The following ATXN7L1 variants were observed in gnomAD, a reference collection of about 807,000 sequenced individuals.
ATXN7L1 encodes ataxin 7 like 1, also known as ataxin-7-like protein 1.
ATXN7L1 carries 15 observed loss-of-function variants against 70.8 expected under a neutral mutation model. That is an observed-to-expected ratio of 0.21 (90% CI 0.14 to 0.33). The LOEUF (loss-of-function observed/expected upper bound fraction) is 0.33, where lower values mean the gene tolerates loss of function less well. Ranked by LOEUF, ATXN7L1 falls within the 10% of genes least tolerant of loss-of-function variation. ATXN7L1 has a pLI of 1.00. For missense variants in ATXN7L1, 975 were observed against 1,097.1 expected (o/e 0.89, Z 1.57); for synonymous variants, 440 against 445.1 (o/e 0.99, Z 0.14).
At chr7:105,668,893 G>A (rs1419943991) in intron 3 of ATXN7L1, among the ~76,000 whole-genome samples, 2 of 152,022 alleles carry the variant, frequency 1.3e-5, no homozygotes, top group Non-Finnish European at 1.5e-5. Context: ...AACAGAGCAA[G>A]ACTCTCTCTG....
At chr7:105,668,117 C>T (rs990468950) in intron 3 of ATXN7L1, among the ~76,000 whole-genome samples, 11 of 152,150 alleles carry the variant, frequency 7.2e-5, no homozygotes, top group African/African-American at 2.7e-4. Flanking sequence ...AGATAAATCA[C>T]AAGGAAGTGT....
At chr7:105,789,408 T>C (rs1440937827) in intron 2 of ATXN7L1, among the ~76,000 whole-genome samples, 3 of 152,194 alleles carry the variant, frequency 2.0e-5, no homozygotes, top group East Asian at 1.9e-4. Flanking sequence ...CAAGTCATCA[T>C]TGCCTGCAGC....
intron 3 of ATXN7L1, chr7:105,760,474 T>C (rs1431213392): frequency 2.0e-6 from 2 of 985,708 alleles, no homozygotes; most frequent in Non-Finnish European, 2.4e-6. Context: ...CTAATGGTAC[T>C]CTCCTATATA....
chr7:105,813,260 G>A (rs1043274088), intron 2 of ATXN7L1, among the ~76,000 whole-genome samples: 2 of 152,042 alleles, frequency 1.3e-5, no homozygotes, highest in Non-Finnish European at 2.9e-5. Context: ...GATTTCTCTG[G>A]TGTACACAGT....
intron 3 of ATXN7L1, among the ~76,000 whole-genome samples, chr7:105,768,338 C>T (rs756843279): frequency 7.9e-5 from 12 of 152,176 alleles, no homozygotes; most frequent in Non-Finnish European, 1.3e-4. Context: ...CAAGGGACTC[C>T]CAAATTGCCA....
chr7:105,749,133 G>C (rs1475779721), intron 3 of ATXN7L1, among the ~76,000 whole-genome samples: 1 of 148,164 alleles, frequency 6.7e-6, no homozygotes, highest in Non-Finnish European at 1.5e-5. Context: ...ATGTTAATAT[G>C]AGTTTAGATT....
At chr7:105,628,620 T>C (rs1002274838) in intron 7 of ATXN7L1, among the ~76,000 whole-genome samples, 1 of 151,272 alleles carries the variant, frequency 6.6e-6, no homozygotes, top group African/African-American at 2.4e-5. Flanking sequence ...AAACCCCGTC[T>C]CTACTAAAAA....
At chr7:105,866,730 G>T (rs1007355903) in intron 2 of ATXN7L1, among the ~76,000 whole-genome samples, 1 of 152,210 alleles carries the variant, frequency 6.6e-6, no homozygotes, top group Non-Finnish European at 1.5e-5. Context: ...ACACACAGAA[G>T]TCAGTCCTTG....
intron 4 of ATXN7L1, among the ~76,000 whole-genome samples, chr7:105,658,674 G>A (rs1365794378): frequency 1.3e-5 from 2 of 151,948 alleles, no homozygotes; most frequent in Non-Finnish European, 2.9e-5. Flanking sequence ...GAGATTACAG[G>A]CATGCGCCAC....
Position 105,635,175 on chromosome 7 carries a change from C to T in ATXN7L1, c.1202+3178G>A, listed in dbSNP as rs549621067. ...CAGATTTTGTGGCACCAGCTTCCTGCGGGCTCTCAGCCTGGCTTGTCAGAT... is the reference window on the plus strand; with the variant it reads ...CAGATTTTGTGGCACCAGCTTCCTGTGGGCTCTCAGCCTGGCTTGTCAGAT... On this transcript the variant is annotated intron_variant, in intron 7 of 11. Coordinates refer to ENST00000419735, the MANE Select transcript of ATXN7L1 (RefSeq NM_020725.2). 3.3e-5 allele frequency among the ~76,000 whole-genome samples: 5 copies of T among 152,310 alleles called. No homozygotes were observed. The East Asian group carries it at 7.7e-4, about 24-fold the overall frequency.
intron 3 of ATXN7L1, among the ~76,000 whole-genome samples, chr7:105,685,152 C>T (rs902597433): frequency 5.3e-5 from 8 of 151,922 alleles, no homozygotes. Context: ...CATTAGAAAG[C>T]TGTAATCTAT....
At chr7:105,735,372 C>G (rs1441826532) in intron 3 of ATXN7L1, among the ~76,000 whole-genome samples, 1 of 152,150 alleles carries the variant, frequency 6.6e-6, no homozygotes, top group Non-Finnish European at 1.5e-5. Flanking sequence ...CTAATGGAAG[C>G]TCATCCCTAT....
At chr7:105,762,111 T>A (rs1458040036) in intron 3 of ATXN7L1, among the ~76,000 whole-genome samples, 1 of 152,220 alleles carries the variant, frequency 6.6e-6, no homozygotes, top group Middle Eastern at 3.2e-3. Flanking sequence ...GCTGTAGCCA[T>A]GAAGGGCTGA....
intron 3 of ATXN7L1, among the ~76,000 whole-genome samples, chr7:105,667,948 G>A (rs907099288): frequency 6.6e-6 from 1 of 152,190 alleles, no homozygotes; most frequent in Non-Finnish European, 1.5e-5. Flanking sequence ...TTTTTCTGCA[G>A]TCTTCATTCA....
intron 4 of ATXN7L1, among the ~76,000 whole-genome samples, chr7:105,650,418 A>T (rs1799665086): frequency 6.6e-6 from 1 of 152,232 alleles, no homozygotes; most frequent in Non-Finnish European, 1.5e-5. Flanking sequence ...ATCTAACATT[A>T]TTCTGTGGCT....
At chr7:105,716,303 T>C (rs1170959976) in intron 3 of ATXN7L1, among the ~76,000 whole-genome samples, 1 of 152,172 alleles carries the variant, frequency 6.6e-6, no homozygotes, top group Non-Finnish European at 1.5e-5. Flanking sequence ...TTCATATCTG[T>C]AATATGAAAT....
chr7:105,727,285 A>G (rs1795924765), intron 3 of ATXN7L1, among the ~76,000 whole-genome samples: 1 of 152,206 alleles, frequency 6.6e-6, no homozygotes, highest in Non-Finnish European at 1.5e-5. Flanking sequence ...CGAAGCAGAC[A>G]GTCACGCACA....
chr7:105,734,904 G>A (rs1389899126), intron 3 of ATXN7L1, among the ~76,000 whole-genome samples: 2 of 152,130 alleles, frequency 1.3e-5, no homozygotes, highest in Admixed American at 6.6e-5. Context: ...CATTCTTCCT[G>A]GAGCCATGAA....
intron 2 of ATXN7L1, among the ~76,000 whole-genome samples, chr7:105,806,173 C>A (rs562431711): frequency 2.0e-5 from 3 of 152,152 alleles, no homozygotes; most frequent in Admixed American, 6.5e-5. Context: ...GACTGAACTG[C>A]GTCCCCCTGG....
Sources: gnomAD v4.1 joint callset for allele counts (sites outside exome capture counted in the v4.1 genomes callset) on GRCh38, gnomAD v4.1.1 for gene constraint, MANE v1.5 for transcripts, NCBI Gene and HGNC (gene_info 2026-07-23, HGNC 2026-07-21) for gene names.